Variants in SSPN observed in about 807,000 individuals in gnomAD.
SSPN encodes the protein sarcospan.
In SSPN, 15 loss-of-function variants were observed where a neutral mutation model predicts 19.1. The ratio of observed to expected loss-of-function variants is 0.78; its 90% CI spans 0.52 to 1.21. SSPN has a LOEUF of 1.21. Among genes scored for constraint, SSPN ranks in the 50% most tolerant of loss-of-function variants. The pLI is 0.00. For synonymous variants in SSPN, 147 were observed against 140.3 expected, an observed-to-expected ratio of 1.05 and a Z score of -0.34; for missense variants, 291 against 314.0, an observed-to-expected ratio of 0.93 and a Z score of 0.55.
Position 26,195,774 on chromosome 12 carries a change from G to A in SSPN, c.102G>A (p.Gly34=). 1.3e-6 allele frequency: 2 copies of A among 1,506,416 alleles called. No homozygotes were observed. Among genetic ancestry groups the A allele is most frequent in the Non-Finnish European group, 1.8e-6 (2 of 1,130,760 alleles). The allele number at this position is 1,506,416 out of a possible 1,614,324, so 93.3% of individuals were successfully genotyped here. ...PDDMEPKKGT[G]APKECGEEEP... is the part of the protein sequence containing the mutation. The stretch of plus-strand genomic sequence containing the variant: ...ACATGGAGCCGAAGAAGGGCACGGG[G>A]GCCCCCAAGGAGTGCGGGGAGGAGG... The change falls in exon 1 of 3, where the codon GGG becomes GGA. Residue 34 remains glycine, a synonymous_variant. Transcript: ENST00000242729.
At chr12:26,122,887 T>G in intron 1 of SSPN, 1 of 1,552,224 alleles carries the variant, frequency 6.4e-7, no homozygotes, top group Non-Finnish European at 8.7e-7. Flanking sequence ...GGCTCCAGCT[T>G]CTGCCCCGCG....
chr12:26,148,374 C>A (rs1333770591), intron 1 of SSPN, among the ~76,000 whole-genome samples: 2 of 152,174 alleles, frequency 1.3e-5, no homozygotes, highest in African/African-American at 4.8e-5. Flanking sequence ...GGGAGGAGAT[C>A]TTAAATCGAT....
intron 1 of SSPN, among the ~76,000 whole-genome samples, chr12:26,139,810 T>A (rs1591846069): frequency 6.6e-6 from 1 of 152,256 alleles, no homozygotes; most frequent in Non-Finnish European, 1.5e-5. Context: ...TAGTGGTAAA[T>A]TTTTATAACT....
chr12:26,168,634 A>AT (rs1369041924), intron 1 of SSPN, among the ~76,000 whole-genome samples: 1 of 152,218 alleles, frequency 6.6e-6, no homozygotes, highest in Non-Finnish European at 1.5e-5. Context: ...AATGGAAGAC[A>AT]TTGTTGCATT....
chr12:26,210,727 GTTTTTTCA>G (rs1944976619), intron 1 of SSPN, among the ~76,000 whole-genome samples: 1 of 151,942 alleles, frequency 6.6e-6, no homozygotes, highest in Non-Finnish European at 1.5e-5. Context: ...TGGGCTAATT[GTTTTTTCA>G]TTTTATAAGG....
At chr12:26,143,521 C>CT (rs1335251876) in intron 1 of SSPN, among the ~76,000 whole-genome samples, 1 of 152,146 alleles carries the variant, frequency 6.6e-6, no homozygotes, top group Non-Finnish European at 1.5e-5. Flanking sequence ...GCCTGCAGAG[C>CT]TGGTGTTTTA....
chr12:26,144,483 G>A (rs1323241296), intron 1 of SSPN, among the ~76,000 whole-genome samples: 2 of 152,278 alleles, frequency 1.3e-5, no homozygotes, highest in African/African-American at 4.8e-5. Flanking sequence ...AAGGTAAGGC[G>A]TGGTTTTCAT....
intron 1 of SSPN, chr12:26,126,723 G>C (rs537137562): frequency 6.6e-6 from 1 of 152,444 alleles, no homozygotes; most frequent in Non-Finnish European, 1.5e-5. Flanking sequence ...CGTGACTCGG[G>C]CGGCGGCGGC....
rs60365188 is a variant in SSPN, at chr12:26,168,214, G to GAAAA, written c.-31+46076_-31+46079dup. On this transcript the variant is annotated intron_variant, in intron 1 of 2. Coordinates refer to the SSPN transcript ENST00000538142. ...GGCAACAGAGTGAGACCCTGTCTCAGAAAAAAAAAAAAAAAAAGGAATAAC... is the reference window on the plus strand; with the variant it reads ...GGCAACAGAGTGAGACCCTGTCTCAGAAAAAAAAAAAAAAAAAAAAAGGAATAAC... Among the ~76,000 whole-genome samples the GAAAA allele has an allele frequency of 5.9e-3, 688 of 117,510 alleles. 6 individuals carry two copies. The highest frequency in any genetic ancestry group is 0.021 in the African/African-American group (652 of 30,956). 77.1% of individuals were successfully genotyped at this position (117,510 alleles called of 152,430 possible).
chr12:26,216,982 G>A (rs10437764), intron 1 of SSPN, among the ~76,000 whole-genome samples: 21,294 of 123,696 alleles, frequency 0.17, 683 homozygotes, highest in East Asian at 0.36. Flanking sequence ...CTGTAGCCTT[G>A]TAGTATAGTT....
At chr12:26,146,327 T>A (rs1944490241) in intron 1 of SSPN, among the ~76,000 whole-genome samples, 1 of 152,190 alleles carries the variant, frequency 6.6e-6, no homozygotes, top group Non-Finnish European at 1.5e-5. Flanking sequence ...CTTAAGCTGA[T>A]TTCTTGGAGC....
chr12:26,178,190 G>A (rs1944696252), intron 1 of SSPN, among the ~76,000 whole-genome samples: 1 of 152,194 alleles, frequency 6.6e-6, no homozygotes, highest in African/African-American at 2.4e-5. Flanking sequence ...GCACTGAAAA[G>A]CGTAGACTCT....
At chr12:26,202,288 G>A (rs1247217368) in intron 1 of SSPN, among the ~76,000 whole-genome samples, 3 of 152,128 alleles carry the variant, frequency 2.0e-5, no homozygotes, top group African/African-American at 7.2e-5. Context: ...GCTGACTGTA[G>A]TTGTATATTC....
intron 1 of SSPN, among the ~76,000 whole-genome samples, chr12:26,135,252 T>G (rs1420043144): frequency 6.6e-6 from 1 of 152,070 alleles, no homozygotes; most frequent in Non-Finnish European, 1.5e-5. Context: ...TTTGCTGGGC[T>G]GAGTGGATCA....
At chr12:26,207,247 A>G (rs1944938853) in intron 1 of SSPN, among the ~76,000 whole-genome samples, 1 of 152,248 alleles carries the variant, frequency 6.6e-6, no homozygotes, top group South Asian at 2.1e-4. Context: ...AAATGTCAGT[A>G]ATTCTGTGCA....
At chr12:26,161,183 G>A (rs1053528981) in intron 1 of SSPN, among the ~76,000 whole-genome samples, 10 of 151,046 alleles carry the variant, frequency 6.6e-5, no homozygotes, top group Non-Finnish European at 1.0e-4. Flanking sequence ...CATGGCTTCC[G>A]TTTTACTGAC....
chr12:26,193,874 G>T (rs763945462), upstream of SSPN, among the ~76,000 whole-genome samples: 11 of 152,176 alleles, frequency 7.2e-5, no homozygotes, highest in Non-Finnish European at 1.6e-4. Flanking sequence ...GAACACCTAA[G>T]TTCATAAAAT....
intron 1 of SSPN, among the ~76,000 whole-genome samples, chr12:26,127,637 CTTT>C (rs1188528772): frequency 7.9e-5 from 12 of 152,154 alleles, no homozygotes; most frequent in Non-Finnish European, 1.5e-4. Flanking sequence ...TTCATTTCTT[CTTT>C]ATCTTCCTTT....
chr12:26,124,406 T>C (rs188749909), intron 1 of SSPN: 8 of 1,209,130 alleles, frequency 6.6e-6, no homozygotes, highest in South Asian at 3.7e-5. Flanking sequence ...AAATTCACAG[T>C]TGGGGAAGCT....
Sources: allele counts gnomAD v4.1 joint callset (sites outside exome capture counted in the v4.1 genomes callset), GRCh38; gene constraint gnomAD v4.1.1; transcripts MANE v1.5; gene names NCBI Gene and HGNC (gene_info 2026-07-23, HGNC 2026-07-21).